Variants in GFRA1 observed in about 807,000 individuals in gnomAD.
GFRA1 encodes GDNF family receptor alpha-1.
Under a neutral mutation model 51.6 loss-of-function variants are expected in GFRA1, and 16 were observed. That is an observed-to-expected ratio of 0.31 (90% CI 0.21 to 0.47). GFRA1 has a LOEUF of 0.47. GFRA1 is among the 20% of genes least tolerant of loss of function. The pLI is 1.00. For synonymous variants in GFRA1, 270 were observed against 241.3 expected (o/e 1.12, Z -1.10); for missense variants, 530 against 594.3 (o/e 0.89, Z 1.13).
intron 5 of GFRA1, among the ~76,000 whole-genome samples, chr10:116,153,086 G>T (rs1305151697): frequency 6.6e-6 from 1 of 152,076 alleles, no homozygotes; most frequent in African/African-American, 2.4e-5. Context: ...CTCCGAGGGG[G>T]CCTCCTTATT....
At chr10:116,188,674 C>T (rs1962961447) in intron 5 of GFRA1, among the ~76,000 whole-genome samples, 1 of 151,972 alleles carries the variant, frequency 6.6e-6, no homozygotes, top group Admixed American at 6.6e-5. Context: ...GAGGCCGAGG[C>T]GGGCAGATCA....
chr10:116,089,433 C>A (rs1956235521), intron 9 of GFRA1, among the ~76,000 whole-genome samples: 2 of 152,142 alleles, frequency 1.3e-5, no homozygotes, highest in South Asian at 4.1e-4. Flanking sequence ...GCCAACTTGA[C>A]AACCCCACGC....
At chr10:116,189,648 T>A (rs1963072507) in intron 5 of GFRA1, among the ~76,000 whole-genome samples, 1 of 152,244 alleles carries the variant, frequency 6.6e-6, no homozygotes, top group Non-Finnish European at 1.5e-5. Context: ...TATTATTGAA[T>A]GAAATCTCTT....
chr10:116,168,311 G>T (rs889925023), intron 5 of GFRA1, among the ~76,000 whole-genome samples: 3 of 152,136 alleles, frequency 2.0e-5, no homozygotes, highest in African/African-American at 7.2e-5. Context: ...CCTTCTGAAA[G>T]AGCTGCCCTC....
intron 10 of GFRA1, 34 bp from the exon 11 acceptor site, chr10:116,064,578 G>T: frequency 6.3e-7 from 1 of 1,582,524 alleles, no homozygotes; most frequent in Non-Finnish European, 8.7e-7. Flanking sequence ...ATCATCCACT[G>T]CATGTCTTCA....
Position 116,064,241 on chromosome 10 carries a change from A to C in GFRA1, c.*157T>G, listed in dbSNP as rs1004506585. The C allele has an allele frequency of 6.1e-6, 4 of 659,138 alleles. No individual in the cohort carries two copies. Among genetic ancestry groups the C allele is most frequent in the South Asian group, 1.9e-5 (1 of 52,792 alleles). 40.8% of individuals were successfully genotyped at this position (659,138 alleles called of 1,614,324 possible). On this transcript the variant is annotated 3_prime_UTR_variant, in exon 11 of 11. Coordinates refer to ENST00000355422, the MANE Select transcript of GFRA1 (RefSeq NM_005264.8). ...CACAGAAGCCCCAAAGGATCACAAG[A>C]AGCTTTCTTAAAAGGAAAAAAAAAA...
intron 5 of GFRA1, among the ~76,000 whole-genome samples, chr10:116,143,812 A>T (rs562740173): frequency 6.6e-6 from 1 of 152,312 alleles, no homozygotes; most frequent in African/African-American, 2.4e-5. Flanking sequence ...TGACCTTAGA[A>T]GGGGGCTGTA....
rs1397614463 is a variant in GFRA1 at position 116,202,423 on chromosome 10, C to T, written c.433+9208G>A. ...GGCTGTGAATATGGTCATAATAAGA[C>T]AGTAGAAGACTGTGTGGAAATGAGA... On this transcript the variant is annotated intron_variant, in intron 5 of 10. Transcript: ENST00000355422. Among the ~76,000 whole-genome samples the T allele has an allele frequency of 3.3e-5, 5 of 152,182 alleles. No homozygotes were observed. In the East Asian group the frequency reaches 9.6e-4, roughly 29 times the overall value.
chr10:116,157,209 G>A (rs182613121), intron 5 of GFRA1, among the ~76,000 whole-genome samples: 53 of 152,288 alleles, frequency 3.5e-4, no homozygotes, highest in Non-Finnish European at 5.3e-4. Flanking sequence ...TAGAATATTT[G>A]GAAGTCATTT....
At chr10:116,273,709 G>GAC (rs141158777), upstream of GFRA1, among the ~76,000 whole-genome samples, 18 of 146,060 alleles carry the variant, frequency 1.2e-4, no homozygotes, top group South Asian at 4.5e-4. Context: ...CACACACACA[G>GAC]ACACACACAC....
At chr10:116,092,594 T>C (rs1019000701) in intron 8 of GFRA1, among the ~76,000 whole-genome samples, 10 of 152,080 alleles carry the variant, frequency 6.6e-5, no homozygotes, top group African/African-American at 2.4e-4. Context: ...CAGGCCTATG[T>C]TCTCATCCAA....
chr10:116,170,296 G>A (rs1960901645), intron 5 of GFRA1, among the ~76,000 whole-genome samples: 1 of 152,194 alleles, frequency 6.6e-6, no homozygotes, highest in South Asian at 2.1e-4. Context: ...CTAGGTGTGT[G>A]TCATTGAAAA....
chr10:116,193,728 T>C (rs953742177), intron 5 of GFRA1, among the ~76,000 whole-genome samples: 1 of 152,182 alleles, frequency 6.6e-6, no homozygotes, highest in Non-Finnish European at 1.5e-5. Flanking sequence ...GTGCCAGCCC[T>C]GGACCTGAGC....
At chr10:116,144,301 A>G (rs1029551073) in intron 5 of GFRA1, among the ~76,000 whole-genome samples, 1 of 27,172 alleles carries the variant, frequency 3.7e-5, no homozygotes, top group African/African-American at 9.8e-5. Context: ...ACATTAACTC[A>G]CTCATTCATT....
chr10:116,090,432 T>TA (rs35493394), intron 8 of GFRA1, among the ~76,000 whole-genome samples: 13,617 of 121,068 alleles, frequency 0.11, 1,029 homozygotes, highest in African/African-American at 0.22. Flanking sequence ...CCAGTTTCTT[T>TA]AAAAAAAAAA....
intron 5 of GFRA1, among the ~76,000 whole-genome samples, chr10:116,200,388 C>T (rs1247305468): frequency 6.6e-6 from 1 of 152,170 alleles, no homozygotes; most frequent in Non-Finnish European, 1.5e-5. Flanking sequence ...GCTGTAAGAC[C>T]TTCTGCAAGG....
rs1374348273 is a variant in GFRA1, at chr10:116,064,308, A to C, written c.*90T>G. ...GGAACTGTTTCTCAACTGAGCTCCT[A>C]AACTGGAATTTCAGCTATACAAGAG... is the stretch of plus-strand genomic sequence containing the variant. On this transcript the variant is annotated 3_prime_UTR_variant, in exon 11 of 11. Transcript: ENST00000355422. 1 of 1,185,352 alleles carries C rather than the reference A, an allele frequency of 8.4e-7. No homozygotes were observed. The highest frequency in any genetic ancestry group is 1.5e-5 in the African/African-American group (1 of 65,998). 73.4% of individuals were successfully genotyped at this position (1,185,352 alleles called of 1,614,324 possible). A position where few individuals can be genotyped will look rare whatever the true frequency, so the allele number is the denominator to read the frequency against.
chr10:116,167,626 C>T (rs993128694), intron 5 of GFRA1, among the ~76,000 whole-genome samples: 6 of 151,718 alleles, frequency 4.0e-5, no homozygotes, highest in Admixed American at 3.9e-4. Context: ...TGGCACAAGC[C>T]TAAGACCAAA....
intron 6 of GFRA1, among the ~76,000 whole-genome samples, chr10:116,124,234 TC>T (rs1436677364): frequency 6.7e-6 from 1 of 149,988 alleles, no homozygotes; most frequent in Admixed American, 6.6e-5. Flanking sequence ...TTCTTCTTCT[TC>T]TTTTTTTTTT....
Sources: allele counts gnomAD v4.1 joint callset (sites outside exome capture counted in the v4.1 genomes callset), GRCh38; gene constraint gnomAD v4.1.1; transcripts MANE v1.5; gene names NCBI Gene and HGNC (gene_info 2026-07-23, HGNC 2026-07-21).